PRKAG2: variants seen among roughly 807,000 people sequenced by gnomAD.
PRKAG2 encodes protein kinase AMP-activated non-catalytic subunit gamma 2.
Under a neutral mutation model 69.6 loss-of-function variants are expected in PRKAG2, and 26 were observed. That is an observed-to-expected ratio of 0.37 (90% CI 0.27 to 0.52). The LOEUF is 0.52. Ranked by LOEUF, PRKAG2 falls within the 20% of genes least tolerant of loss-of-function variation. The pLI is 0.90. For synonymous variants in PRKAG2, 293 were observed against 285.0 expected (o/e 1.03, Z -0.28); for missense variants, 557 against 740.0 (o/e 0.75, Z 2.87).
rs73485959 is a variant in PRKAG2 at position 151,787,015 on chromosome 7, C to T, written c.115-474G>A. On this transcript the variant is annotated intron_variant, in intron 1 of 15. Coordinates refer to ENST00000287878, the MANE Select transcript of PRKAG2 (RefSeq NM_016203.4). ...AACTATTAGCAGAGTCTAATGACAT[C>T]GTGGCCAAAACAGAGTCTAAAATAG... Among the ~76,000 whole-genome samples, 1,399 of 152,204 alleles carry T rather than the reference C, an allele frequency of 9.2e-3. 20 individuals carry two copies. The highest frequency in any genetic ancestry group is 0.031 in the African/African-American group (1,294 of 41,522).
intron 3 of PRKAG2, among the ~76,000 whole-genome samples, chr7:151,693,596 T>G (rs1425585440): frequency 6.6e-6 from 1 of 152,262 alleles, no homozygotes; most frequent in Non-Finnish European, 1.5e-5. Context: ...AATATGTTAG[T>G]AAAACTTTCT....
intron 5 of PRKAG2, among the ~76,000 whole-genome samples, chr7:151,596,886 G>C (rs1365973236): frequency 6.6e-6 from 1 of 151,980 alleles, no homozygotes; most frequent in Non-Finnish European, 1.5e-5. Flanking sequence ...TCAATGCAAT[G>C]CCTATCAAAA....
At chr7:151,774,777 A>G (rs1258137052) in intron 3 of PRKAG2, among the ~76,000 whole-genome samples, 2 of 152,236 alleles carry the variant, frequency 1.3e-5, no homozygotes, top group African/African-American at 4.8e-5. Flanking sequence ...ATTGCACTCC[A>G]GCCTGGTGAC....
chr7:151,786,292 G>A (rs548039777), intron 2 of PRKAG2, among the ~76,000 whole-genome samples, 178 bp downstream of exon 2: 8 of 152,334 alleles, frequency 5.3e-5, no homozygotes, highest in African/African-American at 1.9e-4. Context: ...CGGCCGATAC[G>A]CCAGGCTTGG....
intron 4 of PRKAG2, chr7:151,675,128 C>T (rs1333678796): frequency 7.7e-6 from 3 of 389,884 alleles, no homozygotes; most frequent in Non-Finnish European, 1.5e-5. Flanking sequence ...GCCATGTTGG[C>T]CAGGCTGGTC....
chr7:151,629,309 C>T (rs1393959247), intron 5 of PRKAG2, among the ~76,000 whole-genome samples: 1 of 152,180 alleles, frequency 6.6e-6, no homozygotes, highest in Non-Finnish European at 1.5e-5. Flanking sequence ...GGCCCCTGTG[C>T]TAGGCAAGTC....
rs113749607 is a variant in PRKAG2, at chr7:151,572,174, C to A, written c.1051+490G>T. Among the ~76,000 whole-genome samples, 699 of 152,332 alleles carry A rather than the reference C, an allele frequency of 4.6e-3. 11 individuals carry two copies. The highest frequency in any genetic ancestry group is 0.016 in the African/African-American group (661 of 41,566). On this transcript the variant is annotated intron_variant, in intron 9 of 15. Transcript: ENST00000287878. ...GAGAATATGGTCTTCAAATTACTTC[C>A]ATGCTATTTGCTCCAAACCATCTAG...
intron 3 of PRKAG2, among the ~76,000 whole-genome samples, chr7:151,704,982 C>T (rs1355059861): frequency 6.6e-6 from 1 of 152,240 alleles, no homozygotes; most frequent in Non-Finnish European, 1.5e-5. Flanking sequence ...GGGAATAAAA[C>T]AGCCATGAAC....
At chr7:151,620,485 G>T (rs545434853) in intron 5 of PRKAG2, among the ~76,000 whole-genome samples, 5 of 146,358 alleles carry the variant, frequency 3.4e-5, no homozygotes, top group South Asian at 2.2e-4. Flanking sequence ...TTTTTGTTTT[G>T]TTTTTTTTTT....
chr7:151,633,350 C>T (rs1825150010), intron 4 of PRKAG2, among the ~76,000 whole-genome samples: 1 of 151,880 alleles, frequency 6.6e-6, no homozygotes, highest in South Asian at 2.1e-4. Flanking sequence ...GTTCAGAAAC[C>T]AGGCCAGGGT....
rs190299507 is a variant in PRKAG2, at chr7:151,728,537, C to T, written c.466+52615G>A. ...CCAAGCTGTGGTGGCTTCTCTGTCA[C>T]CGTCCAGAGTCACTATTTTAAAAAT... is the stretch of plus-strand genomic sequence containing the variant. On this transcript the variant is annotated intron_variant, in intron 3 of 15. Coordinates refer to ENST00000287878, the MANE Select transcript of PRKAG2 (RefSeq NM_016203.4). 2.5e-3 allele frequency among the ~76,000 whole-genome samples: 379 copies of T among 152,310 alleles called. 1 individual carries two copies. The highest frequency in any genetic ancestry group is 6.8e-3 in the Middle Eastern group (2 of 294).
chr7:151,666,897 A>AT (rs1009410163), intron 4 of PRKAG2, among the ~76,000 whole-genome samples: 7 of 152,212 alleles, frequency 4.6e-5, no homozygotes, highest in African/African-American at 1.7e-4. Context: ...GGGGAGAAAA[A>AT]TCCCATGTAT....
intron 6 of PRKAG2, among the ~76,000 whole-genome samples, chr7:151,578,253 A>G (rs1266268033): frequency 1.3e-5 from 2 of 152,144 alleles, no homozygotes; most frequent in African/African-American, 4.8e-5. Context: ...GCTGAGGCAC[A>G]AGAATCGCTT....
intron 1 of PRKAG2, among the ~76,000 whole-genome samples, chr7:151,840,859 C>G (rs182038161): frequency 0.017 from 2,626 of 152,286 alleles, 29 homozygotes; most frequent in Non-Finnish European, 0.027. Context: ...AAAGTGCTGC[C>G]GGGCACGGTG....
intron 3 of PRKAG2, among the ~76,000 whole-genome samples, chr7:151,758,872 C>G (rs2075253017): frequency 6.6e-6 from 1 of 152,190 alleles, no homozygotes; most frequent in Admixed American, 6.5e-5. Flanking sequence ...GTAAGGCTTT[C>G]TGTAGCGGGC....
At chr7:151,787,569 TGAGTAGAC>T (rs2077075980) in intron 1 of PRKAG2, among the ~76,000 whole-genome samples, 3 of 152,214 alleles carry the variant, frequency 2.0e-5, no homozygotes, top group Admixed American at 2.0e-4. Flanking sequence ...TTCCATTGTA[TGAGTAGAC>T]CACATTCCGC....
At chr7:151,750,096 C>CAAAAAAAA (rs35915808) in intron 3 of PRKAG2, among the ~76,000 whole-genome samples, 7 of 63,010 alleles carry the variant, frequency 1.1e-4, no homozygotes, top group Non-Finnish European at 1.4e-4. Context: ...GACTCCATCT[C>CAAAAAAAA]AAAAAAAAAA....
At chr7:151,579,296 A>G (rs750383172) in intron 6 of PRKAG2, among the ~76,000 whole-genome samples, 1 of 152,238 alleles carries the variant, frequency 6.6e-6, no homozygotes, top group Non-Finnish European at 1.5e-5. Context: ...TGTTAGGATT[A>G]CAGGCATGAG....
chr7:151,704,126 G>A (rs1482113588), intron 3 of PRKAG2, among the ~76,000 whole-genome samples: 2 of 152,104 alleles, frequency 1.3e-5, no homozygotes, highest in Non-Finnish European at 2.9e-5. Context: ...TGTTTTGAAA[G>A]AGGCATGCAA....
Sources: gnomAD v4.1 joint callset for allele counts (sites outside exome capture counted in the v4.1 genomes callset) on GRCh38, gnomAD v4.1.1 for gene constraint, MANE v1.5 for transcripts, NCBI Gene and HGNC (gene_info 2026-07-23, HGNC 2026-07-21) for gene names.